Variants in TNFRSF11A observed in about 807,000 individuals in gnomAD.
TNFRSF11A encodes TNF receptor superfamily member 11a.
A neutral mutation model predicts 55.7 loss-of-function variants in TNFRSF11A; 32 were observed. The ratio of observed to expected loss-of-function variants is 0.57; its 90% CI spans 0.43 to 0.77. The LOEUF (loss-of-function observed/expected upper bound fraction) is 0.77. Ranked by LOEUF, TNFRSF11A falls within the 30% of genes least tolerant of loss-of-function variation. The probability of loss-of-function intolerance (pLI) is 0.00; values close to 1 mark genes in which losing one functional copy is unlikely to be tolerated. For missense variants in TNFRSF11A, 753 were observed against 809.8 expected (o/e 0.93, Z 0.85); for synonymous variants, 311 against 331.0 (o/e 0.94, Z 0.65).
chr18:62,358,407 G>A (rs767992510), intron 5 of TNFRSF11A, 66 bp downstream of exon 5: 7 of 1,471,702 alleles, frequency 4.8e-6, no homozygotes, highest in South Asian at 1.1e-5. Flanking sequence ...CCACTGTCTC[G>A]TCTGGGTTGA....
At chr18:62,333,870 C>CT (rs35961943) in intron 1 of TNFRSF11A, among the ~76,000 whole-genome samples, 80,931 of 148,154 alleles carry the variant, frequency 0.55, 22,116 homozygotes, top group Middle Eastern at 0.65. Flanking sequence ...CTTTCTAGAA[C>CT]TTTTTTTTTT....
intron 7 of TNFRSF11A, among the ~76,000 whole-genome samples, chr18:62,364,276 G>C (rs571670859): frequency 6.6e-6 from 1 of 152,116 alleles, no homozygotes; most frequent in Non-Finnish European, 1.5e-5. Flanking sequence ...GTGCATTAGC[G>C]GGCTGGAAGG....
chr18:62,368,420 GT>G (rs907684680), intron 8 of TNFRSF11A, among the ~76,000 whole-genome samples: 1 of 152,196 alleles, frequency 6.6e-6, no homozygotes, highest in Non-Finnish European at 1.5e-5. Context: ...TCAGAATACT[GT>G]GTTCAAAAGT....
At chr18:62,357,088 G>T (rs76109907) in intron 4 of TNFRSF11A, among the ~76,000 whole-genome samples, 1 of 152,200 alleles carries the variant, frequency 6.6e-6, no homozygotes, top group Non-Finnish European at 1.5e-5. Context: ...AAATTGCTAG[G>T]TGAAGGAGCG....
At chr18:62,380,778 G>C (rs1023929335) in intron 9 of TNFRSF11A, among the ~76,000 whole-genome samples, 2 of 149,490 alleles carry the variant, frequency 1.3e-5, no homozygotes, top group Non-Finnish European at 3.0e-5. Flanking sequence ...CCTTCCACAA[G>C]CCTCACGGCC....
intron 7 of TNFRSF11A, among the ~76,000 whole-genome samples, chr18:62,362,521 C>A (rs942803298): frequency 6.9e-6 from 1 of 145,358 alleles, no homozygotes. Flanking sequence ...AAAGAACCTT[C>A]GATTATGAAA....
chr18:62,346,744 C>T (rs1329013900), intron 1 of TNFRSF11A, among the ~76,000 whole-genome samples: 1 of 152,190 alleles, frequency 6.6e-6, no homozygotes, highest in Admixed American at 6.5e-5. Context: ...GGGTTTGGTG[C>T]TTTCTTTATA....
In TNFRSF11A at chr18:62,368,683, C is replaced by T; in HGVS notation, c.784-18C>T. The T allele has an allele frequency of 6.2e-7, 1 of 1,614,148 alleles. No homozygotes were observed. Among genetic ancestry groups the T allele is most frequent in the Non-Finnish European group, 8.5e-7 (1 of 1,179,994 alleles). ...CTCTAGGTATTAATGCCTCTGCCTT[C>T]TGAATGTAAATCGGCAGGAGTCCTC... On this transcript the variant is annotated intron_variant, in intron 8 of 9. Transcript: ENST00000586569.
rs551014957 is a variant in TNFRSF11A at position 62,378,800 on chromosome 18, T to G, written c.1568-5951T>G. 6.6e-5 allele frequency among the ~76,000 whole-genome samples: 10 copies of G among 152,360 alleles called. No individual in the cohort carries two copies. The South Asian group carries it at 1.4e-3, about 22-fold the overall frequency. On this transcript the variant is annotated intron_variant, in intron 9 of 9. Transcript: ENST00000586569. ...GGAGAGTTAGGTGGTTTGTTCCAAA[T>G]TCTCACCACTAGTGAGAGCCAAGTC...
chr18:62,359,972 A>G lies in TNFRSF11A; in HGVS notation c.539A>G (p.Lys180Arg). ...CCCCACAGCTGTACCTTCCTTGGAA[A>G]GAGAGTAGAACATCATGGGACAGAG... Reference protein sequence around the residue: ...RPWTNCTFLGKRVEHHGTEKS... With the variant: ...RPWTNCTFLGRRVEHHGTEKS... Residue 180 changes from lysine to arginine, a missense_variant, in exon 6 of 10, where the codon AAG becomes AGG. This residue lies in a region of TNFRSF11A where 567 missense variants were observed against 596.7 expected (regional missense o/e 0.95). Transcript: ENST00000586569. 1 of 1,614,030 alleles carries G rather than the reference A, an allele frequency of 6.2e-7. No individual in the cohort carries two copies. The highest frequency in any genetic ancestry group is 1.1e-5 in the South Asian group (1 of 91,084).
At chr18:62,346,678 G>A (rs1301164461) in intron 1 of TNFRSF11A, among the ~76,000 whole-genome samples, 3 of 152,220 alleles carry the variant, frequency 2.0e-5, no homozygotes, top group Non-Finnish European at 4.4e-5. Context: ...GGTGAGGTCA[G>A]AAAGGTCCGT....
chr18:62,336,106 G>A (rs1268614774), intron 1 of TNFRSF11A, among the ~76,000 whole-genome samples: 2 of 152,168 alleles, frequency 1.3e-5, no homozygotes, highest in African/African-American at 2.4e-5. Context: ...GGATGGGAGA[G>A]GTGGTTCTCA....
chr18:62,378,701 A>G (rs1454818307), intron 9 of TNFRSF11A, among the ~76,000 whole-genome samples: 1 of 152,232 alleles, frequency 6.6e-6, no homozygotes, highest in Non-Finnish European at 1.5e-5. Context: ...TTTATTTAAC[A>G]AATGTGTATT....
intron 1 of TNFRSF11A, among the ~76,000 whole-genome samples, chr18:62,328,071 G>A (rs1447036705): frequency 6.6e-6 from 1 of 152,244 alleles, no homozygotes; most frequent in African/African-American, 2.4e-5. Flanking sequence ...GACATTGGTG[G>A]TGTCAAACAC....
intron 4 of TNFRSF11A, among the ~76,000 whole-genome samples, chr18:62,356,103 G>T (rs1041591480): frequency 6.6e-6 from 1 of 152,206 alleles, no homozygotes; most frequent in African/African-American, 2.4e-5. Context: ...TTGCTTTCCT[G>T]ACTTCTAGGA....
rs1231958042 is a variant in TNFRSF11A at position 62,354,438 on chromosome 18, C to T, written c.331C>T (p.Arg111Cys). 4 of 1,598,308 alleles carry T rather than the reference C, an allele frequency of 2.5e-6. No individual in the cohort carries two copies. The highest frequency in any genetic ancestry group is 2.5e-6 in the Non-Finnish European group (3 of 1,178,050). The stretch of plus-strand genomic sequence containing the variant: ...CGCCGGCAACAGCACGACCCCCCGG[C>T]GCTGCGCGTGCACGGCTGGGTACCA... ...VVAGNSTTPR[R>C]CACTAGYHWS... Residue 111 changes from arginine to cysteine, a missense_variant, in exon 4 of 10, where the codon CGC becomes TGC. By Grantham distance (180) the Arg-to-Cys change is radical. Around this residue, in one of 3 missense-constraint regions of TNFRSF11A, gnomAD observed 156 missense variants for 155.1 expected, o/e 1.01. Transcript: ENST00000586569.
chr18:62,325,774 G>T lies in TNFRSF11A; in HGVS notation c.75+347G>T, dbSNP rs1482344810. On this transcript the variant is annotated intron_variant, in intron 1 of 9. Coordinates refer to ENST00000586569, the MANE Select transcript of TNFRSF11A (RefSeq NM_003839.4). The surrounding 1 kb of genome is among the most constrained non-coding windows in gnomAD (Gnocchi z 4.7). Reference sequence around the variant, plus strand: ...AGCGCTTGCGCCGGGCGGTGCCGCGGGAGACAGCGCCGTGGGCACCTCACT... The same window carrying T: ...AGCGCTTGCGCCGGGCGGTGCCGCGTGAGACAGCGCCGTGGGCACCTCACT... Among the ~76,000 whole-genome samples, 1 of 152,242 alleles carries T rather than the reference G, an allele frequency of 6.6e-6. No individual in the cohort carries two copies. Among genetic ancestry groups the T allele is most frequent in the African/African-American group, 2.4e-5 (1 of 41,476 alleles).
chr18:62,390,093 G>A lies in TNFRSF11A; in HGVS notation c.*5059G>A, dbSNP rs76750519. 11,557 of 152,222 alleles carry A rather than the reference G, an allele frequency of 0.076. 501 individuals are homozygous for A. The highest frequency in any genetic ancestry group is 0.098 in the South Asian group (471 of 4,824). The allele number at this position is 152,222 out of a possible 1,614,324, so 9.4% of individuals were successfully genotyped here. On this transcript the variant is annotated 3_prime_UTR_variant, in exon 10 of 10. Coordinates refer to ENST00000586569, the MANE Select transcript of TNFRSF11A (RefSeq NM_003839.4). Reference sequence around the variant, plus strand: ...CTGTCCTACACTACTTTCCCTCCCTGTCTCTGACACTTGTTCATTCCTGGG... The same window carrying A: ...CTGTCCTACACTACTTTCCCTCCCTATCTCTGACACTTGTTCATTCCTGGG...
intron 9 of TNFRSF11A, among the ~76,000 whole-genome samples, chr18:62,381,144 G>A (rs1229474401): frequency 1.3e-5 from 2 of 152,090 alleles, no homozygotes; most frequent in Admixed American, 6.5e-5. Context: ...TGAAACAAAG[G>A]ATTCTGAAAT....
Sources: allele counts gnomAD v4.1 joint callset (sites outside exome capture counted in the v4.1 genomes callset), GRCh38; gene constraint gnomAD v4.1.1; regional missense constraint gnomAD v4.1.1; non-coding constraint Gnocchi (gnomAD v3.1); transcripts MANE v1.5; gene names NCBI Gene and HGNC (gene_info 2026-07-23, HGNC 2026-07-21).